The following MAGI1 variants were observed in gnomAD, a reference collection of about 807,000 sequenced individuals.
The protein encoded by MAGI1 is membrane-associated guanylate kinase, WW and PDZ domain-containing protein 1.
In MAGI1, 58 loss-of-function variants were observed where a neutral mutation model predicts 139.9. The observed-to-expected ratio is 0.41, with a 90% CI of 0.34 to 0.52. The LOEUF (loss-of-function observed/expected upper bound fraction) is 0.52. Among genes scored for constraint, MAGI1 ranks in the 20% least tolerant of loss-of-function variants. The pLI is 0.12. For missense variants in MAGI1, 1,874 were observed against 1,901.6 expected (o/e 0.99, Z 0.27); for synonymous variants, 812 against 737.9 (o/e 1.10, Z -1.63).
At chr3:65,426,101 G>C (rs1197122959) in intron 12 of MAGI1, among the ~76,000 whole-genome samples, 1 of 152,132 alleles carries the variant, frequency 6.6e-6, no homozygotes, top group East Asian at 1.9e-4. Flanking sequence ...GCCAGACACA[G>C]AGAAGAACTG....
At chr3:65,544,738 CCCCAATG>C (rs1210432350) in intron 2 of MAGI1, among the ~76,000 whole-genome samples, 2 of 152,248 alleles carry the variant, frequency 1.3e-5, no homozygotes, top group East Asian at 3.9e-4. Context: ...CCACGAGCAA[CCCCAATG>C]CCTAACTGAT....
At position 65,493,374 on chromosome 3, in the gene MAGI1, G is replaced by A. The variant is rs551688995; in HGVS notation, c.550+138C>T. Reference sequence around the variant, plus strand: ...ATTCCATAGACTTTGTCTATTATTCGTCATATTAAGGTGAACTGAAATCTC... The same window carrying A: ...ATTCCATAGACTTTGTCTATTATTCATCATATTAAGGTGAACTGAAATCTC... On this transcript the variant is annotated intron_variant, in intron 3 of 22. Transcript: ENST00000402939. 1.5e-4 allele frequency: 140 copies of A among 908,738 alleles called. No homozygotes were observed. The East Asian group carries it at 2.8e-3, about 18-fold the overall frequency. The allele number at this position is 908,738 out of a possible 1,614,324, so 56.3% of individuals were successfully genotyped here.
chr3:65,777,372 A>T (rs191403953), intron 1 of MAGI1, among the ~76,000 whole-genome samples: 3 of 152,260 alleles, frequency 2.0e-5, no homozygotes, highest in South Asian at 4.2e-4. Flanking sequence ...GGAAAATACT[A>T]TGTGTCAAGA....
chr3:65,914,540 A>C (rs952794108), intron 1 of MAGI1, among the ~76,000 whole-genome samples: 2 of 152,230 alleles, frequency 1.3e-5, no homozygotes, highest in Non-Finnish European at 2.9e-5. Context: ...CAATTCAATT[A>C]AAACACAGTG....
At chr3:65,964,310 T>C (rs544609562) in intron 1 of MAGI1, among the ~76,000 whole-genome samples, 1 of 152,082 alleles carries the variant, frequency 6.6e-6, no homozygotes, top group Non-Finnish European at 1.5e-5. Flanking sequence ...TGTGGGAGTA[T>C]CACCTCCCTA....
intron 1 of MAGI1, among the ~76,000 whole-genome samples, chr3:66,010,417 G>A (rs767613069): frequency 3.3e-5 from 5 of 152,026 alleles, no homozygotes; most frequent in Non-Finnish European, 5.9e-5. Flanking sequence ...CTTGAACTAC[G>A]GAACTCTTAG....
intron 12 of MAGI1, among the ~76,000 whole-genome samples, chr3:65,415,026 A>C (rs1321130127): frequency 6.6e-6 from 1 of 151,510 alleles, no homozygotes; most frequent in Admixed American, 6.6e-5. Context: ...AAAACAAAAA[A>C]AAAAAAAACA....
At position 65,409,612 on chromosome 3, in the gene MAGI1, A is replaced by T. The variant is rs72892353; in HGVS notation, c.2168-8142T>A. ...ATCCATAAAAAGGAATGAAAAAACG[A>T]TCCCAGTTTGAACATGTTTCATTTT... On this transcript the variant is annotated intron_variant, in intron 12 of 22. Coordinates refer to ENST00000402939, the MANE Select transcript of MAGI1 (RefSeq NM_001033057.2). Among the ~76,000 whole-genome samples the T allele has an allele frequency of 5.9e-3, 882 of 150,156 alleles. 9 individuals are homozygous for T. Among genetic ancestry groups the T allele is most frequent in the African/African-American group, 0.02 (839 of 41,332 alleles).
At chr3:65,648,857 C>T (rs1413814305) in intron 1 of MAGI1, among the ~76,000 whole-genome samples, 1 of 152,122 alleles carries the variant, frequency 6.6e-6, no homozygotes, top group Non-Finnish European at 1.5e-5. Context: ...GATGCAGACA[C>T]ACAGATTAAT....
At chr3:65,361,087 G>A in intron 22 of MAGI1, 112 bp downstream of exon 22, 1 of 1,600,778 alleles carries the variant, frequency 6.2e-7, no homozygotes. Context: ...CGAGAGGCTG[G>A]TAAGACACTG....
chr3:65,628,969 A>G (rs2084134581), intron 1 of MAGI1, among the ~76,000 whole-genome samples: 2 of 152,158 alleles, frequency 1.3e-5, no homozygotes, highest in African/African-American at 4.8e-5. Context: ...ATATTCTTAT[A>G]TATTCTAGAT....
intron 2 of MAGI1, among the ~76,000 whole-genome samples, chr3:65,541,424 GGCCA>G (rs2079218465): frequency 6.6e-6 from 1 of 152,118 alleles, no homozygotes; most frequent in South Asian, 2.1e-4. Context: ...CATTTTATGA[GGCCA>G]GCATCATCCT....
chr3:66,015,020 T>C (rs1381846180), intron 1 of MAGI1, among the ~76,000 whole-genome samples: 2 of 151,964 alleles, frequency 1.3e-5, no homozygotes, highest in Non-Finnish European at 2.9e-5. Flanking sequence ...CACTGTTTAA[T>C]CCTGCCCCAC....
chr3:65,833,663 T>C (rs2042650667), intron 1 of MAGI1, among the ~76,000 whole-genome samples: 1 of 152,226 alleles, frequency 6.6e-6, no homozygotes, highest in Non-Finnish European at 1.5e-5. Context: ...TTCCAGGCTT[T>C]ATGAGATTTT....
In MAGI1 at chr3:65,356,323, TG is replaced by T; in HGVS notation, c.*54del. The T allele has an allele frequency of 1.3e-6, 2 of 1,489,710 alleles. No homozygotes were observed. The highest frequency in any genetic ancestry group is 2.7e-5 in the South Asian group (2 of 73,082). 92.3% of individuals were successfully genotyped at this position (1,489,710 alleles called of 1,614,324 possible). A position where few individuals can be genotyped will look rare whatever the true frequency, so the allele number is the denominator to read the frequency against. ...AAGAAACTAAATAATTTCAGGTTTG[TG>T]ACTTTCCTCTTAGAACCTTTGACAC... On this transcript the variant is annotated 3_prime_UTR_variant, in exon 23 of 23. Transcript: ENST00000402939.
chr3:65,657,453 A>G (rs1173073666), intron 1 of MAGI1, among the ~76,000 whole-genome samples: 1 of 150,792 alleles, frequency 6.6e-6, no homozygotes, highest in Non-Finnish European at 1.5e-5. Flanking sequence ...AAAAAAACAC[A>G]TAAATTTGTC....
intron 1 of MAGI1, among the ~76,000 whole-genome samples, chr3:65,994,363 G>C (rs1002067651): frequency 6.6e-6 from 1 of 151,248 alleles, no homozygotes. Context: ...CAAAGAGTGA[G>C]AGACTCAGTG....
intron 2 of MAGI1, among the ~76,000 whole-genome samples, chr3:65,565,859 A>AG (rs1158240440): frequency 6.7e-6 from 1 of 149,196 alleles, no homozygotes; most frequent in East Asian, 2.0e-4. Context: ...TCCGTGTCAA[A>AG]AAAAAAAAAA....
rs111981729 is a variant in MAGI1 at position 65,733,340 on chromosome 3, G to A, written c.314-111252C>T. 7.9e-3 allele frequency among the ~76,000 whole-genome samples: 1,198 copies of A among 152,276 alleles called. 25 individuals carry two copies. The highest frequency in any genetic ancestry group is 0.027 in the African/African-American group (1,123 of 41,550). On this transcript the variant is annotated intron_variant, in intron 1 of 22. Coordinates refer to ENST00000402939, the MANE Select transcript of MAGI1 (RefSeq NM_001033057.2). ...CTCCCAAAGTGCTGGGATTACAGGC[G>A]TGAGCCACCGTGCCCAGCTGTGTTT...
Sources: gnomAD v4.1 joint callset for allele counts (sites outside exome capture counted in the v4.1 genomes callset) on GRCh38, gnomAD v4.1.1 for gene constraint, MANE v1.5 for transcripts, NCBI Gene and HGNC (gene_info 2026-07-23, HGNC 2026-07-21) for gene names.